ATIC: variants seen among roughly 807,000 people sequenced by gnomAD.
The protein encoded by ATIC is 5-aminoimidazole-4-carboxamide ribonucleotide formyltransferase/IMP cyclohydrolase, also known as bifunctional purine biosynthesis protein ATIC.
In ATIC, 64 loss-of-function variants were observed where a neutral mutation model predicts 72.5. That is an observed-to-expected ratio of 0.88 (90% CI 0.72 to 1.09). The LOEUF is 1.09. Among genes scored for constraint, ATIC ranks in the 50% least tolerant of loss-of-function variants. ATIC has a pLI of 0.00. For missense variants in ATIC, 787 were observed against 732.4 expected (o/e 1.07, Z -0.86); for synonymous variants, 281 against 267.1 (o/e 1.05, Z -0.51).
At chr2:215,368,059 G>A in the ATIC span, 1 of 1,610,814 alleles carries the variant, frequency 6.2e-7, no homozygotes, top group Non-Finnish European at 8.5e-7. Context: ...AGCAAAAAGA[G>A]ACATCTTATT....
the ATIC span, chr2:215,362,046 C>T: frequency 3.1e-6 from 5 of 1,614,040 alleles, no homozygotes; most frequent in South Asian, 4.4e-5. Flanking sequence ...CTGGGTTCAC[C>T]CCCAGGTCTG....
chr2:215,362,056 G>A, the ATIC span: 4 of 1,614,108 alleles, frequency 2.5e-6, no homozygotes, highest in Non-Finnish European at 3.4e-6. Context: ...CCCCAGGTCT[G>A]CGGCAGTTGT....
At chr2:215,324,850 A>G (rs1435387069) in intron 4 of ATIC, among the ~76,000 whole-genome samples, 1 of 152,214 alleles carries the variant, frequency 6.6e-6, no homozygotes, top group East Asian at 1.9e-4. Flanking sequence ...AATGTTCTGG[A>G]TAATAGTGAT....
intron 14 of ATIC, among the ~76,000 whole-genome samples, chr2:215,347,982 T>C (rs904117419): frequency 6.6e-6 from 1 of 152,156 alleles, no homozygotes; most frequent in Non-Finnish European, 1.5e-5. Flanking sequence ...AGGCCTACCC[T>C]CTGCTTCCCA....
At chr2:215,365,022 G>A in the ATIC span, 1 of 1,344,768 alleles carries the variant, frequency 7.4e-7, no homozygotes, top group Admixed American at 2.0e-5. Flanking sequence ...CGCATAAGCT[G>A]AGAACAATAC....
chr2:215,323,825 G>T (rs2052794608), intron 4 of ATIC, among the ~76,000 whole-genome samples: 1 of 152,172 alleles, frequency 6.6e-6, no homozygotes, highest in African/African-American at 2.4e-5. Context: ...CCAAGGCGGA[G>T]TGCAGTTGCG....
the ATIC span, among the ~76,000 whole-genome samples, chr2:215,357,266 G>A: frequency 1.3e-5 from 2 of 152,152 alleles, no homozygotes; most frequent in Admixed American, 1.3e-4. Context: ...GGGCCCAATG[G>A]GAGACTCCTT....
intron 12 of ATIC, among the ~76,000 whole-genome samples, chr2:215,341,667 T>C (rs1021499308): frequency 6.6e-6 from 1 of 152,222 alleles, no homozygotes; most frequent in African/African-American, 2.4e-5. Context: ...TTATTAATAC[T>C]GAACATGTTT....
At chr2:215,312,373 T>G in intron 1 of ATIC, 125 bp from the exon 2 acceptor site, 1 of 1,566,058 alleles carries the variant, frequency 6.4e-7, no homozygotes, top group Non-Finnish European at 8.8e-7. Context: ...GGACCAGGCC[T>G]GCGAACGCAG....
intron 4 of ATIC, 189 bp from the exon 5 acceptor site, chr2:215,325,052 G>A (rs556530127): frequency 5.4e-6 from 3 of 552,314 alleles, no homozygotes; most frequent in Middle Eastern, 5.0e-4. Flanking sequence ...ACCTCTGCTC[G>A]ACCCCAGCAG....
At chr2:215,333,679 A>G (rs1037231367) in intron 9 of ATIC, among the ~76,000 whole-genome samples, 2 of 152,078 alleles carry the variant, frequency 1.3e-5, no homozygotes, top group African/African-American at 4.8e-5. Flanking sequence ...TTTCCTATTT[A>G]ATTTGTTTTA....
the ATIC span, chr2:215,360,988 G>A: frequency 1.3e-5 from 2 of 156,584 alleles, no homozygotes; most frequent in African/African-American, 2.4e-5. Context: ...TGCATACTAA[G>A]TGTTTTCAAT....
chr2:215,337,802 C>T (rs966507365), intron 11 of ATIC, among the ~76,000 whole-genome samples: 2 of 152,126 alleles, frequency 1.3e-5, no homozygotes, highest in Non-Finnish European at 2.9e-5. Flanking sequence ...CTCTTTAACA[C>T]CTGATAGTTG....
At chr2:215,341,911 G>A (rs901927712) in intron 12 of ATIC, among the ~76,000 whole-genome samples, 1 of 152,198 alleles carries the variant, frequency 6.6e-6, no homozygotes, top group African/African-American at 2.4e-5. Flanking sequence ...AGTTCCACAC[G>A]GTTGGGGAGG....
At chr2:215,314,007 A>G (rs1272301466) in intron 2 of ATIC, among the ~76,000 whole-genome samples, 1 of 152,052 alleles carries the variant, frequency 6.6e-6, no homozygotes, top group Non-Finnish European at 1.5e-5. Context: ...TTCCCCACCA[A>G]ACTTTGTATT....
At chr2:215,313,738 A>G (rs932831474) in intron 2 of ATIC, among the ~76,000 whole-genome samples, 3 of 152,188 alleles carry the variant, frequency 2.0e-5, no homozygotes, top group African/African-American at 7.2e-5. Context: ...CCTAAGTTTA[A>G]CAAGTTCAGA....
At chr2:215,326,230 A>G in intron 6 of ATIC, 92 bp downstream of exon 6, 1 of 1,493,392 alleles carries the variant, frequency 6.7e-7, no homozygotes, top group Non-Finnish European at 9.3e-7. Flanking sequence ...AGATTGCATT[A>G]CCTACCAAAG....
chr2:215,367,825 G>A, the ATIC span: 1 of 1,609,078 alleles, frequency 6.2e-7, no homozygotes, highest in Non-Finnish European at 8.5e-7. Context: ...AACTTGAGGA[G>A]ACAAACACGG....
intron 4 of ATIC, among the ~76,000 whole-genome samples, chr2:215,322,583 C>T (rs10201264): frequency 0.23 from 35,464 of 151,494 alleles, 4,723 homozygotes; most frequent in Non-Finnish European, 0.3. Flanking sequence ...CCACCTGCCT[C>T]GGTCTCCCAA....
Sources: gnomAD v4.1 joint callset for allele counts (sites outside exome capture counted in the v4.1 genomes callset) on GRCh38, gnomAD v4.1.1 for gene constraint, MANE v1.5 for transcripts, NCBI Gene and HGNC (gene_info 2026-07-23, HGNC 2026-07-21) for gene names.